Variants in ATP13A5 observed in about 807,000 individuals in gnomAD.
ATP13A5 encodes probable cation-transporting ATPase 13A5.
Under a neutral mutation model 150.2 loss-of-function variants are expected in ATP13A5, and 149 were observed. The ratio of observed to expected loss-of-function variants is 0.99; its 90% CI spans 0.87 to 1.14. The LOEUF (loss-of-function observed/expected upper bound fraction) is 1.14, where lower values mean the gene tolerates loss of function less well. Ranked by LOEUF, ATP13A5 falls within the 50% of genes most tolerant of loss-of-function variation. The probability of loss-of-function intolerance (pLI) is 0.00; values close to 1 mark genes in which losing one functional copy is unlikely to be tolerated. For synonymous variants in ATP13A5, 497 were observed against 522.2 expected, an observed-to-expected ratio of 0.95 and a Z score of 0.66; for missense variants, 1,383 against 1,449.3, an observed-to-expected ratio of 0.95 and a Z score of 0.74.
intron 25 of ATP13A5, 77 bp downstream of exon 25, chr3:193,299,054 G>T (rs1718286150): frequency 7.9e-7 from 1 of 1,263,256 alleles, no homozygotes; most frequent in Non-Finnish European, 1.1e-6. Context: ...TTTCTCAAAA[G>T]TTCCTTTTTG....
At chr3:193,355,905 C>A (rs1426168316) in intron 5 of ATP13A5, among the ~76,000 whole-genome samples, 1 of 152,192 alleles carries the variant, frequency 6.6e-6, no homozygotes, top group Admixed American at 6.5e-5. Context: ...GCCTACTCAG[C>A]CTCGGAGAGC....
At chr3:193,319,182 C>A in intron 16 of ATP13A5, 74 bp from the exon 17 acceptor site, 2 of 1,042,000 alleles carry the variant, frequency 1.9e-6, no homozygotes, top group Admixed American at 2.0e-5. Flanking sequence ...CAGGACACAG[C>A]CATTGTACCT....
At chr3:193,354,235 A>G in intron 5 of ATP13A5, 39 bp from the exon 6 acceptor site, 1 of 1,576,268 alleles carries the variant, frequency 6.3e-7, no homozygotes, top group Non-Finnish European at 8.6e-7. Flanking sequence ...CATAGCTACA[A>G]GCACATGATA....
intron 1 of ATP13A5, among the ~76,000 whole-genome samples, chr3:193,374,784 G>A (rs1439192173): frequency 6.6e-6 from 1 of 152,130 alleles, no homozygotes; most frequent in Non-Finnish European, 1.5e-5. Context: ...GCTGGGAGGT[G>A]GGGCGAATAA....
intron 7 of ATP13A5, among the ~76,000 whole-genome samples, chr3:193,349,988 T>C (rs946627016): frequency 6.6e-6 from 1 of 152,074 alleles, no homozygotes; most frequent in African/African-American, 2.4e-5. Context: ...TGGCAAAAGA[T>C]TGAGGGGAAA....
intron 13 of ATP13A5, among the ~76,000 whole-genome samples, chr3:193,325,651 G>C (rs967356360): frequency 1.3e-5 from 2 of 152,208 alleles, no homozygotes; most frequent in Admixed American, 1.3e-4. Context: ...TTAGGGATAG[G>C]AAAGAAGGCT....
chr3:193,308,588 T>C, intron 21 of ATP13A5, among the ~76,000 whole-genome samples: 1 of 152,184 alleles, frequency 6.6e-6, no homozygotes, highest in East Asian at 1.9e-4. Context: ...AATGGCTCCT[T>C]CTTTCAGGCT....
At chr3:193,327,277 CAGTTACTA>C (rs1311727439) in intron 12 of ATP13A5, among the ~76,000 whole-genome samples, 7 of 152,238 alleles carry the variant, frequency 4.6e-5, no homozygotes, top group Middle Eastern at 3.4e-3. Context: ...TAGGTGATTT[CAGTTACTA>C]ATGATGAGGA....
intron 1 of ATP13A5, among the ~76,000 whole-genome samples, chr3:193,373,232 A>T (rs1713514800): frequency 1.3e-5 from 2 of 152,038 alleles, no homozygotes; most frequent in South Asian, 4.1e-4. Flanking sequence ...TCTGCCTCCC[A>T]GGTTCAAGCG....
chr3:193,308,593 C>T (rs138326121), intron 21 of ATP13A5, among the ~76,000 whole-genome samples: 1 of 152,300 alleles, frequency 6.6e-6, no homozygotes, highest in East Asian at 1.9e-4. Flanking sequence ...CTCCTTCTTT[C>T]AGGCTTAAAG....
chr3:193,344,710 T>C (rs1712263029), intron 8 of ATP13A5, among the ~76,000 whole-genome samples: 2 of 152,070 alleles, frequency 1.3e-5, no homozygotes, highest in Non-Finnish European at 2.9e-5. Context: ...AACCCAGACA[T>C]TGGGTAAGAA....
At chr3:193,368,687 T>G (rs1246135201) in intron 1 of ATP13A5, among the ~76,000 whole-genome samples, 2 of 152,108 alleles carry the variant, frequency 1.3e-5, no homozygotes, top group Non-Finnish European at 2.9e-5. Flanking sequence ...AAAGGGTGAT[T>G]TGCTCAACAA....
chr3:193,351,556 G>A (rs554579963), intron 6 of ATP13A5, among the ~76,000 whole-genome samples: 2 of 152,232 alleles, frequency 1.3e-5, no homozygotes, highest in South Asian at 2.1e-4. Context: ...TTTTAAAAAC[G>A]TACTTCCATT....
chr3:193,278,458 C>G (rs577336795), intron 28 of ATP13A5, among the ~76,000 whole-genome samples: 1 of 152,162 alleles, frequency 6.6e-6, no homozygotes, highest in Non-Finnish European at 1.5e-5. Context: ...AGCACATGGC[C>G]TCAGTTTTAG....
intron 5 of ATP13A5, among the ~76,000 whole-genome samples, chr3:193,359,004 C>T (rs56215136): frequency 0.27 from 41,170 of 151,860 alleles, 5,862 homozygotes; most frequent in Non-Finnish European, 0.31. Flanking sequence ...CTGATAATTC[C>T]ACTTTATTAA....
chr3:193,288,362 G>A (rs116765185), intron 26 of ATP13A5, among the ~76,000 whole-genome samples: 35 of 152,098 alleles, frequency 2.3e-4, no homozygotes, highest in Non-Finnish European at 5.0e-4. Context: ...AAACTTCATC[G>A]TTGTTTATTT....
chr3:193,365,351 T>C (rs1489928), intron 1 of ATP13A5, among the ~76,000 whole-genome samples: 146,020 of 152,168 alleles, frequency 0.96, 70,084 homozygotes, highest in African/African-American at 0.98. Context: ...ATTTTTTCCA[T>C]TGACCCTCAA....
chr3:193,286,433 G>A lies in ATP13A5; in HGVS notation c.3024-1317C>T, dbSNP rs544041356. Among the ~76,000 whole-genome samples, 5 of 152,144 alleles carry A rather than the reference G, an allele frequency of 3.3e-5. No homozygotes were observed. In the East Asian group the frequency reaches 7.7e-4, roughly 24 times the overall value. On this transcript the variant is annotated intron_variant, in intron 26 of 29. Transcript: ENST00000342358. Reference sequence around the variant, plus strand: ...AGTCTATTGGCACCATTTTTTAATAGTATGTGCTCACTTTGTCTCTGTGTC... The same window carrying A: ...AGTCTATTGGCACCATTTTTTAATAATATGTGCTCACTTTGTCTCTGTGTC...
At chr3:193,331,405 T>G (rs1711626094) in intron 11 of ATP13A5, 94 bp from the exon 12 acceptor site, 2 of 1,200,736 alleles carry the variant, frequency 1.7e-6, no homozygotes, top group East Asian at 5.0e-5. Context: ...TGTCTCCTAC[T>G]GCAGAGCAAA....
Sources: gnomAD v4.1 joint callset for allele counts (sites outside exome capture counted in the v4.1 genomes callset) on GRCh38, gnomAD v4.1.1 for gene constraint, MANE v1.5 for transcripts, NCBI Gene and HGNC (gene_info 2026-07-23, HGNC 2026-07-21) for gene names.